The following NHLH2 variants were observed in gnomAD, a reference collection of about 807,000 sequenced individuals.
The protein encoded by NHLH2 is helix-loop-helix protein 2.
A neutral mutation model predicts 7.3 loss-of-function variants in NHLH2; 7 were observed. The ratio of observed to expected loss-of-function variants is 0.96; its 90% CI spans 0.55 to 1.81. The LOEUF (loss-of-function observed/expected upper bound fraction) is 1.81, where lower values mean the gene tolerates loss of function less well. Ranked by LOEUF, NHLH2 falls within the 40% of genes most tolerant of loss-of-function variation. The pLI is 0.00. For missense variants in NHLH2, 155 were observed against 194.0 expected, an observed-to-expected ratio of 0.80 and a Z score of 1.19; for synonymous variants, 93 against 91.6, an observed-to-expected ratio of 1.01 and a Z score of -0.09.
chr1:115,836,209 C>T (rs1164441219), downstream of NHLH2, among the ~76,000 whole-genome samples: 1 of 152,118 alleles, frequency 6.6e-6, no homozygotes, highest in Non-Finnish European at 1.5e-5. Context: ...TGGGACTGAT[C>T]CACGTCCAAA....
rs1650891247 is a variant in NHLH2, at chr1:115,837,074, CAAAGTA to C, written c.*885_*890del. On this transcript the variant is annotated 3_prime_UTR_variant, in exon 3 of 3. Coordinates refer to ENST00000320238, the MANE Select transcript of NHLH2 (RefSeq NM_005599.3). ...TATAAATAAATTGGCACAGAGTATC[CAAAGTA>C]AAAGTATCACCACTCTGAAAAATAA... 6.6e-6 allele frequency: 1 copy of C among 152,090 alleles called. No homozygotes were observed. The highest frequency in any genetic ancestry group is 2.4e-5 in the African/African-American group (1 of 41,318). 9.4% of individuals were successfully genotyped at this position (152,090 alleles called of 1,614,324 possible).
chr1:115,838,155 C>T lies in NHLH2; in HGVS notation c.218G>A (p.Arg73His). 1.3e-6 allele frequency: 2 copies of T among 1,588,476 alleles called. No individual in the cohort carries two copies. The highest frequency in any genetic ancestry group is 1.7e-6 in the Non-Finnish European group (2 of 1,168,948). The change falls in exon 3 of 3, where the codon CGC becomes CAC. Residue 73 changes from arginine to histidine, a missense_variant. Arg to His is a conservative substitution (Grantham distance 29). Coordinates refer to ENST00000320238, the MANE Select transcript of NHLH2 (RefSeq NM_005599.3). ...GGCCGAGCGGTACTTGGCCGTGGCGCGCCGGCGGCGGCGCTTCTCCTCGCG... is the reference window on the plus strand; with the variant it reads ...GGCCGAGCGGTACTTGGCCGTGGCGTGCCGGCGGCGGCGCTTCTCCTCGCG... ...LSREEKRRRR[R>H]ATAKYRSAHA...
downstream of NHLH2, among the ~76,000 whole-genome samples, chr1:115,832,013 C>A (rs1490048321): frequency 6.6e-6 from 1 of 152,140 alleles, no homozygotes; most frequent in African/African-American, 2.4e-5. Flanking sequence ...CCGCTCATCC[C>A]CCTCTGCCTG....
Position 115,837,776 on chromosome 1 carries a change from C to G in NHLH2, c.*189G>C. ...CTCGCCAGACAACCCCACCTGCCTG[C>G]GTCGGAAACCTTCCCTCGTCGCCCT... On this transcript the variant is annotated 3_prime_UTR_variant, in exon 3 of 3. Transcript: ENST00000320238. 1 of 623,498 alleles carries G rather than the reference C, an allele frequency of 1.6e-6. No individual in the cohort carries two copies. The highest frequency in any genetic ancestry group is 2.6e-6 in the Non-Finnish European group (1 of 385,842). 38.6% of individuals were successfully genotyped at this position (623,498 alleles called of 1,614,324 possible).
Position 115,838,250 on chromosome 1 carries a change from C to A in NHLH2, c.123G>T (p.Val41=). The A allele has an allele frequency of 6.3e-7, 1 of 1,579,028 alleles. No individual in the cohort carries two copies. Among genetic ancestry groups the A allele is most frequent in the East Asian group, 2.3e-5 (1 of 42,586 alleles). ...CCTTGCCGTCGCCCTCGGCCTCCTC[C>A]ACCGGCTCCAGGTCCGACACGCTGC... ...VLGSVSDLEP[V]EEAEGDGKGG... The change falls in exon 3 of 3, where the codon GTG becomes GTT. Residue 41 remains valine (V), a synonymous_variant. Coordinates refer to ENST00000320238, the MANE Select transcript of NHLH2 (RefSeq NM_005599.3).
Position 115,840,520 on chromosome 1 carries a change from G to T in NHLH2, c.-313C>A, listed in dbSNP as rs1190969552. The T allele has an allele frequency of 6.0e-6, 1 of 166,894 alleles. No individual in the cohort carries two copies. Among genetic ancestry groups the T allele is most frequent in the African/African-American group, 2.4e-5 (1 of 41,404 alleles). The allele number at this position is 166,894 out of a possible 1,614,324, so 10.3% of individuals were successfully genotyped here. A position where few individuals can be genotyped will look rare whatever the true frequency, so the allele number is the denominator to read the frequency against. The stretch of plus-strand genomic sequence containing the variant: ...TTTAAACGATGTGTTGAAAAGTCTC[G>T]TGCCTTTTTTCCTCTTCTAGGTCTC... On this transcript the variant is annotated 5_prime_UTR_variant, in exon 2 of 3. Transcript: ENST00000320238.
At position 115,838,188 on chromosome 1, in the gene NHLH2, T is replaced by C. The variant is rs764462122; in HGVS notation, c.185A>G (p.Gln62Arg). The C allele has an allele frequency of 1.3e-6, 2 of 1,571,716 alleles. No individual in the cohort carries two copies. The highest frequency in any genetic ancestry group is 3.7e-5 in the Admixed American group (2 of 53,612). The change falls in exon 3 of 3, where the codon CAG becomes CGG. Residue 62 changes from glutamine to arginine, a missense_variant. By Grantham distance (43) the Gln-to-Arg change is conservative. Around this residue, in one of 2 missense-constraint regions of NHLH2, gnomAD observed 91 missense variants for 86.6 expected, o/e 1.05. Coordinates refer to ENST00000320238, the MANE Select transcript of NHLH2 (RefSeq NM_005599.3). ...GCGGCGCTTCTCCTCGCGGCTCAGC[T>C]GCTGCGGGTGCGGGTAGAGCGCGGC... The part of the protein sequence containing the change: ...SRAALYPHPQ[Q>R]LSREEKRRRR...
intron 2 of NHLH2, chr1:115,838,598 G>A (rs530854830): frequency 2.4e-4 from 119 of 488,652 alleles, no homozygotes; most frequent in African/African-American, 2.3e-3. Flanking sequence ...GCGGGGACGC[G>A]GTTGACCCAG....
chr1:115,837,910 A>G lies in NHLH2; in HGVS notation c.*55T>C. On this transcript the variant is annotated 3_prime_UTR_variant, in exon 3 of 3. Transcript: ENST00000320238. ...CACCCGAGCGACGGCGCCCGTCCGGATCCGTAGCGTTTCGCGGACGCCGGG... is the reference window on the plus strand; with the variant it reads ...CACCCGAGCGACGGCGCCCGTCCGGGTCCGTAGCGTTTCGCGGACGCCGGG... The G allele has an allele frequency of 6.4e-7, 1 of 1,555,108 alleles. No homozygotes were observed. The highest frequency in any genetic ancestry group is 8.7e-7 in the Non-Finnish European group (1 of 1,152,228).
In NHLH2 at chr1:115,836,551, G is replaced by GT. The variant is rs1174248936; in HGVS notation, c.*1413dup. ...CTAAAATCTTTGGATAGCAGATGTGGTTTTTTTCCCTTGTCTCTAAAATAC... is the reference window on the plus strand; with the variant it reads ...CTAAAATCTTTGGATAGCAGATGTGGTTTTTTTTCCCTTGTCTCTAAAATAC... On this transcript the variant is annotated 3_prime_UTR_variant, in exon 3 of 3. Transcript: ENST00000320238. 2 of 152,414 alleles carry GT rather than the reference G, an allele frequency of 1.3e-5. No individual in the cohort carries two copies. Among genetic ancestry groups the GT allele is most frequent in the Non-Finnish European group, 2.9e-5 (2 of 67,970 alleles). The allele number at this position is 152,414 out of a possible 1,614,324, so 9.4% of individuals were successfully genotyped here.
At chr1:115,836,052 A>T (rs1444745063), downstream of NHLH2, among the ~76,000 whole-genome samples, 1 of 152,140 alleles carries the variant, frequency 6.6e-6, no homozygotes, top group African/African-American at 2.4e-5. Context: ...CCCAACTCTA[A>T]TTTGAAGAGG....
At chr1:115,834,190 ATACTTT>A (rs1650814290), downstream of NHLH2, among the ~76,000 whole-genome samples, 1 of 152,108 alleles carries the variant, frequency 6.6e-6, no homozygotes, top group South Asian at 2.1e-4. Context: ...GTTTTGCCCA[ATACTTT>A]TACCCTTGTT....
At chr1:115,833,700 T>A (rs753158219), downstream of NHLH2, among the ~76,000 whole-genome samples, 9 of 152,222 alleles carry the variant, frequency 5.9e-5, no homozygotes, top group African/African-American at 2.2e-4. Flanking sequence ...AGATAATGCA[T>A]GCAAAGCACT....
At chr1:115,834,039 G>A (rs956152989), downstream of NHLH2, among the ~76,000 whole-genome samples, 1 of 152,148 alleles carries the variant, frequency 6.6e-6, no homozygotes, top group Non-Finnish European at 1.5e-5. Context: ...TGGGAAGCGG[G>A]TATTCCCTCC....
In NHLH2 at chr1:115,838,049, G is replaced by C. The variant is rs764423256; in HGVS notation, c.324C>G (p.Pro108=). The change falls in exon 3 of 3, where the codon CCC becomes CCG. Residue 108 remains proline (P), a synonymous_variant. Transcript: ENST00000320238. ...AELRKLLPTL[P]PDKKLSKIEI... is the part of the protein sequence containing the mutation. Reference sequence around the variant, plus strand: ...CGATCTTGGAGAGCTTCTTGTCCGGGGGCAGCGTGGGCAGCAATTTGCGGA... The same window carrying C: ...CGATCTTGGAGAGCTTCTTGTCCGGCGGCAGCGTGGGCAGCAATTTGCGGA... 9.9e-6 allele frequency: 16 copies of C among 1,609,724 alleles called. No individual in the cohort carries two copies. Among genetic ancestry groups the C allele is most frequent in the Non-Finnish European group, 1.3e-5 (15 of 1,178,332 alleles).
In NHLH2 at chr1:115,838,393, C is replaced by G. The variant is rs368199916; in HGVS notation, c.-8-13G>C. On this transcript the variant is annotated splice_polypyrimidine_tract_variant and intron_variant, in intron 2 of 2. Transcript: ENST00000320238. ...ATCATTTTGGAGGCTGAGGAGGGGT[C>G]GGAAAATTAATCAGTAAAAGGAATC... 3 of 1,607,104 alleles carry G rather than the reference C, an allele frequency of 1.9e-6. No individual in the cohort carries two copies. The South Asian group carries it at 3.3e-5, about 18-fold the overall frequency.
rs935438191 is a variant in NHLH2, at chr1:115,837,754, G to T, written c.*211C>A. ...ATCCCCCCTGCGAGCCCCCGGGCTCGCCAGACAACCCCACCTGCCTGCGTC... is the reference window on the plus strand; with the variant it reads ...ATCCCCCCTGCGAGCCCCCGGGCTCTCCAGACAACCCCACCTGCCTGCGTC... On this transcript the variant is annotated 3_prime_UTR_variant, in exon 3 of 3. Transcript: ENST00000320238. The T allele has an allele frequency of 7.1e-6, 4 of 565,276 alleles. No homozygotes were observed. The highest frequency in any genetic ancestry group is 8.9e-6 in the Non-Finnish European group (3 of 337,214). The allele number at this position is 565,276 out of a possible 1,614,324, so 35.0% of individuals were successfully genotyped here. A position where few individuals can be genotyped will look rare whatever the true frequency, so the allele number is the denominator to read the frequency against.
chr1:115,839,697 A>G (rs883555), intron 2 of NHLH2: 131,076 of 166,864 alleles, frequency 0.79, 55,052 homozygotes, highest in Non-Finnish European at 0.91. Context: ...GGCAGCCTCC[A>G]CGACGCTCGG....
Position 115,837,886 on chromosome 1 carries a change from A to T in NHLH2, c.*79T>A. ...TCGCTGGGCCACCGCAGCCTCCGCC[A>T]CCCGAGCGACGGCGCCCGTCCGGAT... On this transcript the variant is annotated 3_prime_UTR_variant, in exon 3 of 3. Transcript: ENST00000320238. 3 of 1,469,428 alleles carry T rather than the reference A, an allele frequency of 2.0e-6. No individual in the cohort carries two copies. In the South Asian group the frequency reaches 3.9e-5, roughly 19 times the overall value. 91.0% of individuals were successfully genotyped at this position (1,469,428 alleles called of 1,614,324 possible). A position where few individuals can be genotyped will look rare whatever the true frequency, so the allele number is the denominator to read the frequency against.
Sources: gnomAD v4.1 joint callset for allele counts (sites outside exome capture counted in the v4.1 genomes callset) on GRCh38, gnomAD v4.1.1 for gene constraint, gnomAD v4.1.1 regional missense constraint, MANE v1.5 for transcripts, NCBI Gene and HGNC (gene_info 2026-07-23, HGNC 2026-07-21) for gene names.